The following EHBP1 variants were observed in gnomAD, a reference collection of about 807,000 sequenced individuals.
EHBP1 encodes the protein EH domain-binding protein 1.
A neutral mutation model predicts 144.0 loss-of-function variants in EHBP1; 55 were observed. The ratio of observed to expected loss-of-function variants is 0.38; its 90% CI spans 0.31 to 0.48. The LOEUF (loss-of-function observed/expected upper bound fraction) is 0.48, where lower values mean the gene tolerates loss of function less well. Ranked by LOEUF, EHBP1 falls within the 20% of genes least tolerant of loss-of-function variation. The pLI, the probability that EHBP1 is intolerant of heterozygous loss-of-function variation, is 0.98. For missense variants in EHBP1, 1,200 were observed against 1,364.2 expected, an observed-to-expected ratio of 0.88 and a Z score of 1.90; for synonymous variants, 469 against 472.7, an observed-to-expected ratio of 0.99 and a Z score of 0.10.
intron 19 of EHBP1, among the ~76,000 whole-genome samples, chr2:63,014,832 G>A (rs1471931806): frequency 1.3e-5 from 2 of 152,166 alleles, no homozygotes; most frequent in East Asian, 3.9e-4. Context: ...ACAAAAATTA[G>A]CCGAGTGTGG....
intron 10 of EHBP1, among the ~76,000 whole-genome samples, chr2:62,886,766 C>A (rs2051967435): frequency 6.6e-6 from 1 of 152,206 alleles, no homozygotes; most frequent in South Asian, 2.1e-4. Flanking sequence ...AATTTCCTAC[C>A]TCCCCTGTAC....
chr2:63,025,551 C>T (rs1019488838), intron 19 of EHBP1, among the ~76,000 whole-genome samples: 1 of 152,200 alleles, frequency 6.6e-6, no homozygotes, highest in Non-Finnish European at 1.5e-5. Context: ...GCGTGAGGCT[C>T]TGGCCCTTTT....
chr2:62,772,308 T>C (rs1355100228), intron 5 of EHBP1, among the ~76,000 whole-genome samples: 1 of 152,142 alleles, frequency 6.6e-6, no homozygotes, highest in Non-Finnish European at 1.5e-5. Context: ...ATAATCATCT[T>C]AAGTTAATTT....
At chr2:62,954,982 GT>G (rs1389845200) in intron 13 of EHBP1, among the ~76,000 whole-genome samples, 1 of 151,820 alleles carries the variant, frequency 6.6e-6, no homozygotes, top group Non-Finnish European at 1.5e-5. Context: ...CAATTGTTTT[GT>G]TATAAGGATA....
intron 10 of EHBP1, among the ~76,000 whole-genome samples, chr2:62,904,625 C>A (rs151218347): frequency 6.6e-6 from 1 of 152,278 alleles, no homozygotes; most frequent in Non-Finnish European, 1.5e-5. Flanking sequence ...GGAACAGGAG[C>A]CCTGCCAGGT....
intron 14 of EHBP1, among the ~76,000 whole-genome samples, chr2:62,975,164 T>C (rs1408905632): frequency 6.6e-6 from 1 of 152,188 alleles, no homozygotes; most frequent in Non-Finnish European, 1.5e-5. Context: ...AATGGTCAAC[T>C]GAAGCACCTA....
At chr2:62,717,394 G>C (rs1287107835) in intron 2 of EHBP1, among the ~76,000 whole-genome samples, 1 of 152,154 alleles carries the variant, frequency 6.6e-6, no homozygotes, top group Non-Finnish European at 1.5e-5. Flanking sequence ...CTTGTTCACT[G>C]CATGATATAA....
At chr2:62,808,251 T>A (rs2044671579) in intron 5 of EHBP1, among the ~76,000 whole-genome samples, 1 of 151,268 alleles carries the variant, frequency 6.6e-6, no homozygotes, top group Non-Finnish European at 1.5e-5. Context: ...TTCTGGTATT[T>A]CCATTATGCA....
rs781047604 is a variant in EHBP1 at position 62,874,372 on chromosome 2, C to T, written c.1025C>T (p.Ser342Leu). The T allele has an allele frequency of 6.9e-6, 11 of 1,601,694 alleles. No homozygotes were observed. The highest frequency in any genetic ancestry group is 1.7e-5 in the Admixed American group (1 of 57,954). Reference sequence around the variant, plus strand: ...TCAAATCCTTTTTATGAACCTAAATCAACTCCTCCTCCAAATAATTTGGTA... The same window carrying T: ...TCAAATCCTTTTTATGAACCTAAATTAACTCCTCCTCCAAATAATTTGGTA... ...DESNPFYEPKSTPPPNNLVNP... is the reference protein window; with the variant it reads ...DESNPFYEPKLTPPPNNLVNP... Residue 342 changes from serine (S) to leucine (L), a missense_variant, in exon 10 of 23, where the codon TCA (serine) becomes TTA (leucine). By Grantham distance (145) the Ser-to-Leu change is moderately radical (BLOSUM62 -2). This residue lies in a region of EHBP1 where 266 missense variants were observed against 262.4 expected (regional missense o/e 1.01). Coordinates refer to ENST00000431489, the MANE Select transcript of EHBP1 (RefSeq NM_001142616.3).
At chr2:62,879,785 G>A (rs2152866227) in intron 10 of EHBP1, among the ~76,000 whole-genome samples, 1 of 151,998 alleles carries the variant, frequency 6.6e-6, no homozygotes, top group South Asian at 2.1e-4. Context: ...ATTGCCTAAA[G>A]CAATTTGCAG....
intron 2 of EHBP1, among the ~76,000 whole-genome samples, chr2:62,722,199 T>C (rs977659482): frequency 2.6e-5 from 4 of 152,084 alleles, no homozygotes; most frequent in African/African-American, 7.2e-5. Context: ...GCGTGTGATC[T>C]TGGCTCACTG....
chr2:62,926,875 A>G lies in EHBP1; in HGVS notation c.1186-15843A>G, dbSNP rs2055559609. On this transcript the variant is annotated intron_variant, in intron 10 of 22. Transcript: ENST00000431489. ...ACAGAGAAATAAATTATTATATTGG[A>G]GATATCTACACCCCCGTGTTTATTG... Among the ~76,000 whole-genome samples the G allele has an allele frequency of 2.0e-5, 3 of 151,634 alleles. No homozygotes were observed. In the South Asian group the frequency reaches 6.3e-4, roughly 32 times the overall value.
rs912723692 is a variant in EHBP1 at position 62,738,165 on chromosome 2, G to A, written c.105-9230G>A. Among the ~76,000 whole-genome samples, 67 of 152,136 alleles carry A rather than the reference G, an allele frequency of 4.4e-4. 1 individual carries two copies. Among genetic ancestry groups the A allele is most frequent in the Non-Finnish European group, 2.6e-4 (18 of 67,994 alleles). The stretch of plus-strand genomic sequence containing the variant: ...TCTTTTACTATTTTGATTGTAGACT[G>A]TATCTCCTAGCTTGTTGATTTGGTA... On this transcript the variant is annotated intron_variant, in intron 2 of 22. Transcript: ENST00000431489.
chr2:62,760,864 C>T (rs2040714941), intron 3 of EHBP1, among the ~76,000 whole-genome samples: 1 of 152,138 alleles, frequency 6.6e-6, no homozygotes, highest in Admixed American at 6.5e-5. Context: ...TGAATTAGAT[C>T]TAAAGATATT....
intron 7 of EHBP1, among the ~76,000 whole-genome samples, chr2:62,835,711 G>C (rs370667185): frequency 3.3e-5 from 5 of 152,088 alleles, no homozygotes; most frequent in East Asian, 1.9e-4. Flanking sequence ...TTCCCTTTCC[G>C]AGTCAAAGAA....
intron 10 of EHBP1, among the ~76,000 whole-genome samples, chr2:62,876,307 A>G (rs1376445270): frequency 6.6e-6 from 1 of 152,218 alleles, no homozygotes; most frequent in African/African-American, 2.4e-5. Context: ...AAGCCAGAAG[A>G]GATTGGGAGC....
chr2:62,794,623 GT>G (rs1177502849), intron 5 of EHBP1, among the ~76,000 whole-genome samples: 4 of 151,746 alleles, frequency 2.6e-5, no homozygotes, highest in Non-Finnish European at 5.9e-5. Flanking sequence ...CAAAATTTAT[GT>G]TTTTTAAAAA....
At chr2:62,946,060 C>T (rs2057047946) in intron 12 of EHBP1, among the ~76,000 whole-genome samples, 1 of 152,166 alleles carries the variant, frequency 6.6e-6, no homozygotes, top group Non-Finnish European at 1.5e-5. Flanking sequence ...CATTTTCTTA[C>T]ATTTGAACAA....
At chr2:62,705,395 C>A (rs113098032), upstream of EHBP1, among the ~76,000 whole-genome samples, 134 of 152,248 alleles carry the variant, frequency 8.8e-4, no homozygotes, top group African/African-American at 2.9e-3. Flanking sequence ...AATCACCTTG[C>A]AGTTCACTAT....
Sources: allele counts gnomAD v4.1 joint callset (sites outside exome capture counted in the v4.1 genomes callset), GRCh38; gene constraint gnomAD v4.1.1; regional missense constraint gnomAD v4.1.1; transcripts MANE v1.5; gene names NCBI Gene and HGNC (gene_info 2026-07-23, HGNC 2026-07-21).